Variants in CIP2A observed in about 807,000 individuals in gnomAD.
CIP2A encodes the protein cellular inhibitor of PP2A, also known as protein CIP2A.
A neutral mutation model predicts 110.9 loss-of-function variants in CIP2A; 103 were observed. The observed-to-expected ratio is 0.93, with a 90% CI of 0.79 to 1.09. The LOEUF (loss-of-function observed/expected upper bound fraction) is 1.09, where lower values mean the gene tolerates loss of function less well. Among genes scored for constraint, CIP2A ranks in the 50% least tolerant of loss-of-function variants. CIP2A has a pLI of 0.00. For missense variants in CIP2A, 1,088 were observed against 1,038.4 expected (o/e 1.05, Z -0.66); for synonymous variants, 381 against 361.6 (o/e 1.05, Z -0.61).
chr3:108,574,708 G>A (rs1407984928), intron 8 of CIP2A: 1 of 152,406 alleles, frequency 6.6e-6, no homozygotes, highest in Non-Finnish European at 1.5e-5. Context: ...CCTTTCCAAT[G>A]TACATTCATG....
In CIP2A at chr3:108,557,233, A is replaced by C; in HGVS notation, c.2195T>G (p.Met732Arg). Residue 732 changes from methionine (M) to arginine (R), a missense_variant, in exon 17 of 21, where the codon ATG becomes AGG. By Grantham distance (91) the Met-to-Arg change is moderately conservative. Transcript: ENST00000295746. ...CTTTATTTACCTCTGAAGAAGTTCC[A>C]TGTAGGATTTTGTCAGTATTTCATG... ...EEHEILTKSYMELLQRNESTE... is the reference protein window; with the variant it reads ...EEHEILTKSYRELLQRNESTE... 1 of 1,593,520 alleles carries C rather than the reference A, an allele frequency of 6.3e-7. No homozygotes were observed.
chr3:108,576,249 G>T, intron 8 of CIP2A, 22 bp downstream of exon 8: 1 of 1,453,748 alleles, frequency 6.9e-7, no homozygotes, highest in Non-Finnish European at 9.3e-7. Flanking sequence ...AAGTTTAAAT[G>T]AAAAGTCATG....
In CIP2A at chr3:108,558,234, A is replaced by G. The variant is rs111482594; in HGVS notation, c.2014-820T>C. On this transcript the variant is annotated intron_variant, in intron 16 of 20. Coordinates refer to ENST00000295746, the MANE Select transcript of CIP2A (RefSeq NM_020890.3). ...CAACATACCAGTTAAGACAAATGAAACCATGTTAAAATAAGCAAAAAAGAA... is the reference window on the plus strand; with the variant it reads ...CAACATACCAGTTAAGACAAATGAAGCCATGTTAAAATAAGCAAAAAAGAA... Among the ~76,000 whole-genome samples the G allele has an allele frequency of 5.2e-3, 795 of 152,248 alleles. 8 individuals carry two copies. The highest frequency in any genetic ancestry group is 0.011 in the South Asian group (52 of 4,824).
chr3:108,581,598 T>C lies in CIP2A; in HGVS notation c.453-87A>G, dbSNP rs575101781. On this transcript the variant is annotated intron_variant, in intron 4 of 20. Coordinates refer to ENST00000295746, the MANE Select transcript of CIP2A (RefSeq NM_020890.3). ...ATTATTCTAAGTCAAAATGATATAG[T>C]TAAGTTTATACATTTCAATTCCCTT... 53 of 770,588 alleles carry C rather than the reference T, an allele frequency of 6.9e-5. 1 individual carries two copies. The African/African-American group carries it at 9.3e-4, about 14-fold the overall frequency. 47.7% of individuals were successfully genotyped at this position (770,588 alleles called of 1,614,324 possible). A position where few individuals can be genotyped will look rare whatever the true frequency, so the allele number is the denominator to read the frequency against.
chr3:108,586,588 T>C (rs1192881399), intron 1 of CIP2A, among the ~76,000 whole-genome samples: 2 of 152,226 alleles, frequency 1.3e-5, no homozygotes, highest in Non-Finnish European at 2.9e-5. Flanking sequence ...GCACTTACTC[T>C]GGCCTAGGCA....
chr3:108,559,858 T>G lies in CIP2A; in HGVS notation c.1912A>C (p.Ser638Arg), dbSNP rs753497319. The G allele has an allele frequency of 6.2e-7, 1 of 1,606,744 alleles. No individual in the cohort carries two copies. The change falls in exon 16 of 21, where the codon AGC (serine) becomes CGC (arginine). Residue 638 changes from serine (S) to arginine (R), a missense_variant. Coordinates refer to ENST00000295746, the MANE Select transcript of CIP2A (RefSeq NM_020890.3). The part of the protein sequence containing the change: ...MKLSTLASKE[S>R]RLQDLLETKA... ...GTTTCCAAAAGATCTTGTAGCCTGC[T>G]TTCTTTGGACTACAAGAAAACATAT... is the stretch of plus-strand genomic sequence containing the variant.
chr3:108,575,422 A>G (rs1324520795), intron 8 of CIP2A, among the ~76,000 whole-genome samples: 1 of 95,550 alleles, frequency 1.0e-5, no homozygotes, highest in Non-Finnish European at 2.5e-5. Context: ...ATACATATAC[A>G]TGTATACATA....
chr3:108,550,664 TCAGAGA>T lies in CIP2A; in HGVS notation c.*479_*484del, dbSNP rs1300809186. 6.6e-6 allele frequency: 1 copy of T among 151,854 alleles called. No individual in the cohort carries two copies. Among genetic ancestry groups the T allele is most frequent in the Non-Finnish European group, 1.5e-5 (1 of 67,840 alleles). The allele number at this position is 151,854 out of a possible 1,614,324, so 9.4% of individuals were successfully genotyped here. On this transcript the variant is annotated 3_prime_UTR_variant, in exon 21 of 21. Coordinates refer to ENST00000295746, the MANE Select transcript of CIP2A (RefSeq NM_020890.3). ...CACTAATATTTTCTTTTGTGCTTCT[TCAGAGA>T]CAAACTTCTCTAGCAGTAAAATCAT... is the stretch of plus-strand genomic sequence containing the variant.
intron 5 of CIP2A, among the ~76,000 whole-genome samples, chr3:108,579,990 G>A (rs1938808449): frequency 6.6e-6 from 1 of 152,134 alleles, no homozygotes; most frequent in South Asian, 2.1e-4. Context: ...ATTCAATGAT[G>A]GTAAATCAGG....
At chr3:108,587,878 T>C (rs570304002) in intron 1 of CIP2A, among the ~76,000 whole-genome samples, 10 of 151,658 alleles carry the variant, frequency 6.6e-5, no homozygotes, top group Non-Finnish European at 1.5e-4. Context: ...GCCTCCCGAG[T>C]TCAAGCGATT....
chr3:108,585,872 T>C (rs1939025833), intron 1 of CIP2A: 2 of 434,564 alleles, frequency 4.6e-6, no homozygotes, highest in Non-Finnish European at 9.2e-6. Context: ...TTGTAATCTA[T>C]AAGCCACATA....
intron 20 of CIP2A, 67 bp downstream of exon 20, chr3:108,552,167 C>T: frequency 7.8e-7 from 1 of 1,286,344 alleles, no homozygotes; most frequent in South Asian, 1.4e-5. Flanking sequence ...TTCCTTTATC[C>T]ATATTCACCC....
chr3:108,588,048 G>T (rs1939132880), intron 1 of CIP2A, among the ~76,000 whole-genome samples: 1 of 152,144 alleles, frequency 6.6e-6, no homozygotes, highest in Non-Finnish European at 1.5e-5. Flanking sequence ...AAAGTGCTGG[G>T]ATTACAGGTG....
chr3:108,575,403 T>C (rs1014392514), intron 8 of CIP2A, among the ~76,000 whole-genome samples: 1 of 143,278 alleles, frequency 7.0e-6, no homozygotes, highest in Non-Finnish European at 1.5e-5. Flanking sequence ...TATGTTCACA[T>C]GTGTATGTAT....
chr3:108,582,017 A>G (rs757349238), intron 4 of CIP2A, 91 bp downstream of exon 4: 29 of 598,076 alleles, frequency 4.8e-5, no homozygotes, highest in Non-Finnish European at 8.3e-5. Flanking sequence ...ATGTTAGAAA[A>G]TGTTATCTAA....
At chr3:108,581,288 A>G in intron 5 of CIP2A, 127 bp downstream of exon 5, 1 of 649,486 alleles carries the variant, frequency 1.5e-6, no homozygotes. Context: ...CTTAATTTTG[A>G]TGGGTCATCC....
At chr3:108,558,302 C>T (rs979056966) in intron 16 of CIP2A, among the ~76,000 whole-genome samples, 3 of 152,052 alleles carry the variant, frequency 2.0e-5, no homozygotes, top group Non-Finnish European at 4.4e-5. Context: ...TCTGAAGAGA[C>T]TTAAGAGGCA....
intron 8 of CIP2A, among the ~76,000 whole-genome samples, chr3:108,576,046 AGGAATAGGAAG>A (rs930701666): frequency 1.3e-5 from 2 of 151,708 alleles, no homozygotes; most frequent in Non-Finnish European, 2.9e-5. Context: ...GGTAAAGGTA[AGGAATAGGAAG>A]GGGTAGGTAC....
In CIP2A at chr3:108,568,219, A is replaced by T; in HGVS notation, c.1209T>A (p.Asn403Lys). ...ILDQLQFTEQ[N>K]LDEALTRKKC... is the part of the protein sequence containing the mutation. ...TTTTTCTTGTTAAAGCCTCATCTAG[A>T]TTTTGTTCTGTGAACTGAAGTTGAT... Residue 403 changes from asparagine (N) to lysine (K), a missense_variant, in exon 10 of 21, where the codon AAT (asparagine) becomes AAA (lysine). Physicochemically the swap from Asn to Lys is moderately conservative, Grantham distance 94. Coordinates refer to ENST00000295746, the MANE Select transcript of CIP2A (RefSeq NM_020890.3). 1 of 1,612,474 alleles carries T rather than the reference A, an allele frequency of 6.2e-7. No homozygotes were observed. Among genetic ancestry groups the T allele is most frequent in the Non-Finnish European group, 8.5e-7 (1 of 1,178,922 alleles).
Sources: allele counts gnomAD v4.1 joint callset (sites outside exome capture counted in the v4.1 genomes callset), GRCh38; gene constraint gnomAD v4.1.1; transcripts MANE v1.5; gene names NCBI Gene and HGNC (gene_info 2026-07-23, HGNC 2026-07-21).